The following KIT variants were observed in gnomAD, a reference collection of about 807,000 sequenced individuals.
KIT encodes mast/stem cell growth factor receptor Kit.
In KIT, 16 loss-of-function variants were observed where a neutral mutation model predicts 105.7. The observed-to-expected ratio is 0.15, with a 90% confidence interval of 0.10 to 0.23. KIT has a LOEUF of 0.23. KIT is among the 10% of genes least tolerant of loss of function. KIT has a pLI of 1.00. For missense variants in KIT, 858 were observed against 1,213.8 expected (o/e 0.71, Z 4.36); for synonymous variants, 438 against 441.1 (o/e 0.99, Z 0.09).
At chr4:54,706,187 C>T (rs1720777173) in intron 5 of KIT, among the ~76,000 whole-genome samples, 1 of 151,406 alleles carries the variant, frequency 6.6e-6, no homozygotes. Context: ...GAAGAGTTCT[C>T]AAATGGAAAT....
rs1414253704 is a variant in KIT, at chr4:54,729,434, A to C, written c.2090A>C (p.His697Pro). The change falls in exon 14 of 21, where the codon CAT becomes CCT. Residue 697 changes from histidine (H) to proline (P), a missense_variant. Physicochemically the swap from His to Pro is moderately conservative, Grantham distance 77 (BLOSUM62 -2). This residue lies in a region of KIT where 158 missense variants were observed against 218.7 expected (regional missense o/e 0.72). Transcript: ENST00000288135. ...TTTATTTGTTCAAAGCAGGAAGATC[A>C]TGCAGAAGCTGCACTTTATAAGAAT... ...DSFICSKQED[H>P]AEAALYKNLL... The C allele has an allele frequency of 1.2e-6, 2 of 1,613,678 alleles. No individual in the cohort carries two copies. Among genetic ancestry groups the C allele is most frequent in the East Asian group, 4.5e-5 (2 of 44,864 alleles).
rs116630714 is a variant in KIT, at chr4:54,715,846, A to G, written c.1231+6307A>G. ...ACCCACCTGGCTGGAATCTCCAACT[A>G]CCTTTATCCAGAGTAAAATAATAAC... On this transcript the variant is annotated intron_variant, in intron 7 of 20. Transcript: ENST00000288135. 3.6e-3 allele frequency among the ~76,000 whole-genome samples: 541 copies of G among 152,254 alleles called. 3 individuals carry two copies. Among genetic ancestry groups the G allele is most frequent in the Non-Finnish European group, 5.6e-3 (379 of 68,020 alleles).
chr4:54,711,056 G>GT (rs1253104080), intron 7 of KIT, among the ~76,000 whole-genome samples: 1 of 152,044 alleles, frequency 6.6e-6, no homozygotes, highest in Non-Finnish European at 1.5e-5. Flanking sequence ...ATTTTTAAAT[G>GT]TTTTTTAGAG....
intron 1 of KIT, among the ~76,000 whole-genome samples, chr4:54,662,996 A>G (rs559963296): frequency 4.9e-4 from 70 of 143,432 alleles, no homozygotes; most frequent in East Asian, 2.9e-3. Context: ...CCAGGGGGGA[A>G]AAAAAAAAAC....
At chr4:54,689,863 G>A (rs1214012430) in intron 1 of KIT, among the ~76,000 whole-genome samples, 1 of 151,796 alleles carries the variant, frequency 6.6e-6, no homozygotes, top group East Asian at 1.9e-4. Flanking sequence ...AATAATAACT[G>A]TCCATCCCCC....
chr4:54,668,768 CAA>C (rs2109560584), intron 1 of KIT, among the ~76,000 whole-genome samples: 1 of 152,244 alleles, frequency 6.6e-6, no homozygotes, highest in South Asian at 2.1e-4. Flanking sequence ...AAAAATAAAA[CAA>C]GACTATGTTA....
Position 54,738,909 on chromosome 4 carries a change from A to G in KIT, c.*352A>G, listed in dbSNP as rs149336515. The G allele has an allele frequency of 5.3e-3, 3,149 of 592,344 alleles. 30 individuals carry two copies. The highest frequency in any genetic ancestry group is 0.023 in the Middle Eastern group (51 of 2,248). The allele number at this position is 592,344 out of a possible 1,614,324, so 36.7% of individuals were successfully genotyped here. ...TTGATAGTTTACCTGAATAAATGGT[A>G]GTAATCACAGTTGGCCTTCAGAACC... On this transcript the variant is annotated 3_prime_UTR_variant, in exon 21 of 21. Transcript: ENST00000288135.
rs538442649 is a variant in KIT, at chr4:54,718,353, TA to T, written c.1232-5230del. Among the ~76,000 whole-genome samples, 10 of 152,324 alleles carry T rather than the reference TA, an allele frequency of 6.6e-5. No homozygotes were observed. In the South Asian group the frequency reaches 2.1e-3, roughly 32 times the overall value. On this transcript the variant is annotated intron_variant, in intron 7 of 20. Transcript: ENST00000288135. ...CCTTGGCCTCCCAAAGTGCTGGGAT[TA>T]CAAGCGTGAGCCACTGCACCCGGCC... is the stretch of plus-strand genomic sequence containing the variant.
chr4:54,727,801 CTTG>C lies in KIT; in HGVS notation c.1775-17_1775-15del, dbSNP rs2109779037. On this transcript the variant is annotated intron_variant, in intron 11 of 20. Coordinates refer to ENST00000288135, the MANE Select transcript of KIT (RefSeq NM_000222.3). ...CACCACCAGCACCATCACCACTTACCTTGTTGTCTTCCTTCCTACAGGGAAAAC... is the reference window on the plus strand; with the variant it reads ...CACCACCAGCACCATCACCACTTACCTTGTCTTCCTTCCTACAGGGAAAAC... The C allele has an allele frequency of 6.3e-7, 1 of 1,595,750 alleles. No individual in the cohort carries two copies. Among genetic ancestry groups the C allele is most frequent in the Non-Finnish European group, 8.6e-7 (1 of 1,164,958 alleles).
At chr4:54,658,136 C>T in intron 1 of KIT, 55 bp downstream of exon 1, 5 of 1,571,542 alleles carry the variant, frequency 3.2e-6, no homozygotes, top group East Asian at 2.2e-5. Flanking sequence ...AAGCCTGTGC[C>T]TGGGAGGGTG....
At chr4:54,665,550 C>T (rs937091313) in intron 1 of KIT, among the ~76,000 whole-genome samples, 4 of 151,900 alleles carry the variant, frequency 2.6e-5, no homozygotes, top group Non-Finnish European at 5.9e-5. Flanking sequence ...TCTCATTCGG[C>T]GTATTTATGG....
At chr4:54,708,536 C>T (rs576970976) in intron 6 of KIT, among the ~76,000 whole-genome samples, 16 of 152,106 alleles carry the variant, frequency 1.1e-4, no homozygotes, top group East Asian at 3.9e-4. Context: ...CCAAGGATTG[C>T]GCAAGGGCAA....
intron 1 of KIT, among the ~76,000 whole-genome samples, chr4:54,660,008 G>C (rs2237036): frequency 0.58 from 87,489 of 151,880 alleles, 25,530 homozygotes; most frequent in African/African-American, 0.66. Context: ...TCTGGGAAAC[G>C]CAGTGTCCTC....
chr4:54,674,478 G>A (rs1394796279), intron 1 of KIT, among the ~76,000 whole-genome samples: 3 of 151,938 alleles, frequency 2.0e-5, no homozygotes, highest in African/African-American at 7.3e-5. Flanking sequence ...CATGGTTTTT[G>A]AGTCTGCTCT....
At chr4:54,729,953 C>G (rs777701967) in intron 14 of KIT, among the ~76,000 whole-genome samples, 3 of 152,116 alleles carry the variant, frequency 2.0e-5, no homozygotes, top group African/African-American at 7.2e-5. Context: ...TTCTTGCCAT[C>G]GACCTCTGGA....
At chr4:54,716,957 C>A (rs189712226) in intron 7 of KIT, among the ~76,000 whole-genome samples, 2 of 152,186 alleles carry the variant, frequency 1.3e-5, no homozygotes, top group African/African-American at 4.8e-5. Flanking sequence ...ATGTAAAAAT[C>A]GTTGCTTGTC....
rs549146317 is a variant in KIT, at chr4:54,724,699, A to C, written c.1346+1001A>C. Among the ~76,000 whole-genome samples, 36 of 152,264 alleles carry C rather than the reference A, an allele frequency of 2.4e-4. No homozygotes were observed. In the East Asian group the frequency reaches 6.2e-3, roughly 26 times the overall value. On this transcript the variant is annotated intron_variant, in intron 8 of 20. Transcript: ENST00000288135. ...AGCTTCCCTGGGCTACACTGGAAGA[A>C]GACGACTGTCTTAGGCCACACATAA...
Position 54,670,820 on chromosome 4 carries a change from A to G in KIT, c.67+12739A>G, listed in dbSNP as rs560106917. Among the ~76,000 whole-genome samples, 6 of 152,314 alleles carry G rather than the reference A, an allele frequency of 3.9e-5. No individual in the cohort carries two copies. In the South Asian group the frequency reaches 1.2e-3, roughly 32 times the overall value. ...ATCCCCAGGGGAAGGGGAATTGTAC[A>G]GAGCGGGCTTGCTGGGTTTCACCAC... On this transcript the variant is annotated intron_variant, in intron 1 of 20. Coordinates refer to ENST00000288135, the MANE Select transcript of KIT (RefSeq NM_000222.3).
At chr4:54,690,572 T>G (rs1422766123) in intron 1 of KIT, among the ~76,000 whole-genome samples, 2 of 152,214 alleles carry the variant, frequency 1.3e-5, no homozygotes, top group Non-Finnish European at 2.9e-5. Flanking sequence ...TTAATTAACA[T>G]GTGTTCAGGG....
Sources: gnomAD v4.1 joint callset for allele counts (sites outside exome capture counted in the v4.1 genomes callset) on GRCh38, gnomAD v4.1.1 for gene constraint, gnomAD v4.1.1 regional missense constraint, MANE v1.5 for transcripts, NCBI Gene and HGNC (gene_info 2026-07-23, HGNC 2026-07-21) for gene names.